Variants in SNTG1 observed in about 807,000 individuals in gnomAD.
SNTG1 encodes gamma-1-syntrophin.
SNTG1 carries 39 observed loss-of-function variants against 74.7 expected under a neutral mutation model. The observed-to-expected ratio is 0.52, with a 90% CI of 0.40 to 0.68. The LOEUF (loss-of-function observed/expected upper bound fraction) is 0.68. Ranked by LOEUF, SNTG1 falls within the 30% of genes least tolerant of loss-of-function variation. SNTG1 has a pLI of 0.00. For synonymous variants in SNTG1, 254 were observed against 217.1 expected, an observed-to-expected ratio of 1.17 and a Z score of -1.49; for missense variants, 685 against 609.5, an observed-to-expected ratio of 1.12 and a Z score of -1.30.
At chr8:50,619,888 CTCTCTTCCAGGCATG>C (rs1415275561) in intron 13 of SNTG1, among the ~76,000 whole-genome samples, 1 of 150,676 alleles carries the variant, frequency 6.6e-6, no homozygotes, top group African/African-American at 2.5e-5. Context: ...ACTCTTCAGC[CTCTCTTCCAGGCATG>C]TCTGCAGAAA....
At chr8:49,930,067 A>G (rs1368585915) in intron 1 of SNTG1, among the ~76,000 whole-genome samples, 1 of 152,094 alleles carries the variant, frequency 6.6e-6, no homozygotes, top group African/African-American at 2.4e-5. Flanking sequence ...TGTTAGAAAA[A>G]CATAAATAAA....
chr8:50,557,611 G>T (rs2094464080), intron 12 of SNTG1, among the ~76,000 whole-genome samples: 1 of 152,118 alleles, frequency 6.6e-6, no homozygotes, highest in Non-Finnish European at 1.5e-5. Context: ...TGGTTACATT[G>T]CTTCTTTCTG....
intron 4 of SNTG1, among the ~76,000 whole-genome samples, chr8:50,416,579 T>C: frequency 6.6e-6 from 1 of 152,136 alleles, no homozygotes; most frequent in South Asian, 2.1e-4. Context: ...AAATTTGAGG[T>C]GTTACTGTGG....
intron 1 of SNTG1, among the ~76,000 whole-genome samples, chr8:50,156,479 A>G (rs1176025486): frequency 6.6e-6 from 1 of 152,096 alleles, no homozygotes; most frequent in East Asian, 1.9e-4. Flanking sequence ...ACTTCAAAAT[A>G]CAAAAATCAA....
rs147113588 is a variant in SNTG1, at chr8:50,560,252, T to A, written c.810+7073T>A. Among the ~76,000 whole-genome samples, 824 of 152,276 alleles carry A rather than the reference T, an allele frequency of 5.4e-3. 7 individuals carry two copies. Among genetic ancestry groups the A allele is most frequent in the African/African-American group, 0.019 (769 of 41,564 alleles). On this transcript the variant is annotated intron_variant, in intron 12 of 18. Transcript: ENST00000642720. ...TGGCAAGGTTGCACAGAAAAAGGAA[T>A]GCATCTATACTGTTGTGGGAATATA... is the stretch of plus-strand genomic sequence containing the variant.
intron 1 of SNTG1, among the ~76,000 whole-genome samples, chr8:49,937,010 G>A (rs1379275254): frequency 5.9e-5 from 9 of 152,086 alleles, no homozygotes; most frequent in Non-Finnish European, 1.2e-4. Flanking sequence ...TTCGCCGGAC[G>A]TGGTGGCACT....
intron 2 of SNTG1, among the ~76,000 whole-genome samples, chr8:50,320,730 C>A (rs377387116): frequency 6.6e-6 from 1 of 151,944 alleles, no homozygotes; most frequent in Non-Finnish European, 1.5e-5. Flanking sequence ...CCATTTGTTT[C>A]GAGAAATTTT....
At chr8:50,407,284 G>C (rs1298815841) in intron 4 of SNTG1, among the ~76,000 whole-genome samples, 1 of 152,168 alleles carries the variant, frequency 6.6e-6, no homozygotes, top group Non-Finnish European at 1.5e-5. Flanking sequence ...GAAAGGTTAG[G>C]AGAATGTTCT....
At chr8:50,776,546 A>G (rs531536150) in intron 18 of SNTG1, among the ~76,000 whole-genome samples, 3 of 148,586 alleles carry the variant, frequency 2.0e-5, no homozygotes, top group African/African-American at 7.3e-5. Context: ...TATTCTTTAT[A>G]TAATATTTTA....
chr8:50,161,035 G>T (rs2082398767), intron 1 of SNTG1, among the ~76,000 whole-genome samples: 1 of 152,120 alleles, frequency 6.6e-6, no homozygotes, highest in Non-Finnish European at 1.5e-5. Context: ...GTAAAATAGA[G>T]AAGATGATAT....
intron 1 of SNTG1, among the ~76,000 whole-genome samples, chr8:50,171,414 C>T (rs1049233810): frequency 3.3e-5 from 5 of 152,078 alleles, no homozygotes; most frequent in Non-Finnish European, 7.4e-5. Context: ...AATATGTAGG[C>T]TGGGCCGCTA....
intron 1 of SNTG1, among the ~76,000 whole-genome samples, chr8:50,047,803 A>G (rs1322734419): frequency 6.6e-6 from 1 of 152,204 alleles, no homozygotes; most frequent in Non-Finnish European, 1.5e-5. Context: ...TCCATGCCTT[A>G]GAGATTCTAG....
chr8:49,927,267 T>C (rs1403206762), intron 1 of SNTG1, among the ~76,000 whole-genome samples: 2 of 152,166 alleles, frequency 1.3e-5, no homozygotes, highest in African/African-American at 4.8e-5. Flanking sequence ...ACTCAAATTA[T>C]TTGAAAACTT....
chr8:50,648,288 C>G (rs1256819850), intron 13 of SNTG1, among the ~76,000 whole-genome samples: 1 of 152,108 alleles, frequency 6.6e-6, no homozygotes, highest in African/African-American at 2.4e-5. Flanking sequence ...AATATTTCAG[C>G]CTGCAGCAAA....
At chr8:50,576,887 A>G (rs937678795) in intron 12 of SNTG1, among the ~76,000 whole-genome samples, 3 of 152,178 alleles carry the variant, frequency 2.0e-5, no homozygotes, top group Admixed American at 2.0e-4. Flanking sequence ...ATATGAGATC[A>G]TATCATCTAT....
At chr8:50,720,751 G>A (rs951677435) in intron 17 of SNTG1, among the ~76,000 whole-genome samples, 3 of 152,180 alleles carry the variant, frequency 2.0e-5, no homozygotes, top group Non-Finnish European at 1.5e-5. Context: ...GGTGATTTGT[G>A]ATGTGAGAAG....
At chr8:50,294,682 G>A (rs2089281869) in intron 2 of SNTG1, among the ~76,000 whole-genome samples, 1 of 152,150 alleles carries the variant, frequency 6.6e-6, no homozygotes, top group African/African-American at 2.4e-5. Flanking sequence ...AGAGTCCACA[G>A]ATTTAAAAGT....
At chr8:50,707,443 A>C (rs1160712650) in intron 16 of SNTG1, among the ~76,000 whole-genome samples, 1 of 151,984 alleles carries the variant, frequency 6.6e-6, no homozygotes, top group Non-Finnish European at 1.5e-5. Flanking sequence ...CCCATTAAGT[A>C]TGTTCTTTAG....
chr8:50,476,653 A>C (rs1394492706), intron 8 of SNTG1, among the ~76,000 whole-genome samples: 1 of 152,140 alleles, frequency 6.6e-6, no homozygotes, highest in African/African-American at 2.4e-5. Flanking sequence ...ACATTTATAC[A>C]CTTATGTAAA....
Sources: gnomAD v4.1 joint callset for allele counts (sites outside exome capture counted in the v4.1 genomes callset) on GRCh38, gnomAD v4.1.1 for gene constraint, MANE v1.5 for transcripts, NCBI Gene and HGNC (gene_info 2026-07-23, HGNC 2026-07-21) for gene names.